Variants in ITGA9 observed in about 807,000 individuals in gnomAD.
ITGA9 encodes the protein integrin alpha-9.
Under a neutral mutation model 127.8 loss-of-function variants are expected in ITGA9, and 56 were observed. That is an observed-to-expected ratio of 0.44 (90% CI 0.35 to 0.55). The LOEUF (loss-of-function observed/expected upper bound fraction) is 0.55, where lower values mean the gene tolerates loss of function less well. Ranked by LOEUF, ITGA9 falls within the 20% of genes least tolerant of loss-of-function variation. The pLI, the probability that ITGA9 is intolerant of heterozygous loss-of-function variation, is 0.00. For missense variants in ITGA9, 1,196 were observed against 1,347.1 expected (o/e 0.89, Z 1.76); for synonymous variants, 508 against 514.5 (o/e 0.99, Z 0.17).
At position 37,765,584 on chromosome 3, in the gene ITGA9, TAAAAG is replaced by T. The variant is rs555748940; in HGVS notation, c.2542-11805_2542-11801del. On this transcript the variant is annotated intron_variant, in intron 23 of 27. Coordinates refer to ENST00000264741, the MANE Select transcript of ITGA9 (RefSeq NM_002207.3). ...TTTTTCTCAACAGAAGCCAAACACT[TAAAAG>T]AAGGGAGATGGCTGATTGAATTCTG... Among the ~76,000 whole-genome samples, 414 of 152,296 alleles carry T rather than the reference TAAAAG, an allele frequency of 2.7e-3. 3 individuals carry two copies. The highest frequency in any genetic ancestry group is 9.4e-3 in the African/African-American group (389 of 41,580).
In ITGA9 at chr3:37,553,013, TA is replaced by T. The variant is rs10662748; in HGVS notation, c.1689+10445del. ...CTAGGAGACCGAGCAAGACTCCATC[TA>T]AAAAAAAAAAAAAAAATCTTTATTT... On this transcript the variant is annotated intron_variant, in intron 15 of 27. Transcript: ENST00000264741. 3.9e-3 allele frequency among the ~76,000 whole-genome samples: 540 copies of T among 137,082 alleles called. 1 individual carries two copies. The highest frequency in any genetic ancestry group is 0.015 in the South Asian group (63 of 4,170). The allele number at this position is 137,082 out of a possible 152,430, so 89.9% of individuals were successfully genotyped here.
chr3:37,736,994 G>T lies in ITGA9; in HGVS notation c.2234+11G>T, dbSNP rs372179241. The stretch of plus-strand genomic sequence containing the variant: ...TGTTACTGCTCAGAGGTAAGGGGGG[G>T]GTTTAAACACTTTTTTCAAAGATGA... On this transcript the variant is annotated intron_variant, in intron 20 of 27. Coordinates refer to ENST00000264741, the MANE Select transcript of ITGA9 (RefSeq NM_002207.3). 5.7e-6 allele frequency: 9 copies of T among 1,566,668 alleles called. No individual in the cohort carries two copies. The highest frequency in any genetic ancestry group is 1.1e-5 in the South Asian group (1 of 90,086).
intron 27 of ITGA9, among the ~76,000 whole-genome samples, chr3:37,812,974 G>A (rs1368768585): frequency 6.6e-6 from 1 of 152,258 alleles, no homozygotes; most frequent in Non-Finnish European, 1.5e-5. Flanking sequence ...GTTTCTCAAA[G>A]CTCTCCCCAA....
chr3:37,773,551 G>T, intron 23 of ITGA9, among the ~76,000 whole-genome samples: 1 of 151,654 alleles, frequency 6.6e-6, no homozygotes, highest in East Asian at 1.9e-4. Flanking sequence ...GCCCCAAATA[G>T]CACATCCTCC....
chr3:37,484,682 A>G (rs970162672), intron 4 of ITGA9, among the ~76,000 whole-genome samples: 41 of 152,158 alleles, frequency 2.7e-4, no homozygotes, highest in Non-Finnish European at 1.0e-4. Flanking sequence ...GGAGAGGCAG[A>G]GTAGCTTGGT....
intron 26 of ITGA9, among the ~76,000 whole-genome samples, chr3:37,791,698 T>A (rs911512816): frequency 6.6e-6 from 1 of 152,168 alleles, no homozygotes; most frequent in African/African-American, 2.4e-5. Context: ...TAGCTGCTGC[T>A]CAGGGTGGCA....
chr3:37,721,370 C>T (rs1008311489), intron 18 of ITGA9, among the ~76,000 whole-genome samples: 5 of 152,090 alleles, frequency 3.3e-5, no homozygotes, highest in Non-Finnish European at 5.9e-5. Flanking sequence ...CCTGCCTTGG[C>T]CTCCCAAAAT....
intron 18 of ITGA9, among the ~76,000 whole-genome samples, chr3:37,685,825 C>T (rs1385747293): frequency 6.6e-6 from 1 of 152,194 alleles, no homozygotes; most frequent in Admixed American, 6.5e-5. Context: ...TGCTAGAAAG[C>T]TCAGAGCTGA....
At chr3:37,563,981 TAACG>T (rs2125601258) in intron 15 of ITGA9, among the ~76,000 whole-genome samples, 1 of 152,344 alleles carries the variant, frequency 6.6e-6, no homozygotes, top group South Asian at 2.1e-4. Flanking sequence ...CAAAGGATAG[TAACG>T]ACTTTTATGT....
chr3:37,521,664 A>G (rs1173187118), intron 11 of ITGA9, among the ~76,000 whole-genome samples: 1 of 152,210 alleles, frequency 6.6e-6, no homozygotes, highest in Non-Finnish European at 1.5e-5. Flanking sequence ...ACCACCCCAG[A>G]TGGACCACCC....
In ITGA9 at chr3:37,734,365, G is replaced by C. The variant is rs77596564; in HGVS notation, c.2154+1567G>C. ...CACACAAATTTAATTAAAATCTTTT[G>C]AGTAACAGATAATAGGCTTAACTGG... On this transcript the variant is annotated intron_variant, in intron 19 of 27. Coordinates refer to ENST00000264741, the MANE Select transcript of ITGA9 (RefSeq NM_002207.3). 7.4e-3 allele frequency among the ~76,000 whole-genome samples: 1,130 copies of C among 152,282 alleles called. 12 individuals carry two copies. The highest frequency in any genetic ancestry group is 0.027 in the Middle Eastern group (8 of 294).
At chr3:37,731,480 T>C (rs1021898183) in intron 18 of ITGA9, among the ~76,000 whole-genome samples, 5 of 152,254 alleles carry the variant, frequency 3.3e-5, no homozygotes, top group African/African-American at 1.2e-4. Flanking sequence ...TGAAAAGATA[T>C]ATTAGAGTTT....
chr3:37,812,362 C>G (rs1697378218), intron 27 of ITGA9, among the ~76,000 whole-genome samples: 1 of 152,178 alleles, frequency 6.6e-6, no homozygotes, highest in Admixed American at 6.5e-5. Context: ...GGAAGCAACC[C>G]AAAGGCCGCG....
chr3:37,540,260 C>T (rs962914784), intron 14 of ITGA9, among the ~76,000 whole-genome samples: 2 of 152,348 alleles, frequency 1.3e-5, no homozygotes, highest in Admixed American at 1.3e-4. Flanking sequence ...AGAGTCTGCT[C>T]AGCAGCTGCC....
chr3:37,557,622 T>C (rs766523962), intron 15 of ITGA9, among the ~76,000 whole-genome samples: 2 of 152,150 alleles, frequency 1.3e-5, no homozygotes, highest in Non-Finnish European at 2.9e-5. Flanking sequence ...AAAAAATGTA[T>C]TAAGGGCTAT....
At chr3:37,648,080 A>AT (rs202042111) in intron 16 of ITGA9, among the ~76,000 whole-genome samples, 8,975 of 151,872 alleles carry the variant, frequency 0.059, 804 homozygotes, top group African/African-American at 0.19. Flanking sequence ...TTCTATTTTT[A>AT]TTTTTTTTGA....
intron 16 of ITGA9, among the ~76,000 whole-genome samples, chr3:37,641,514 G>A (rs1329220205): frequency 6.6e-6 from 1 of 151,980 alleles, no homozygotes; most frequent in Non-Finnish European, 1.5e-5. Context: ...CCAGAACTCG[G>A]GAGCCAGCCG....
intron 15 of ITGA9, among the ~76,000 whole-genome samples, chr3:37,578,940 G>C (rs767531089): frequency 1.3e-5 from 2 of 152,090 alleles, no homozygotes; most frequent in Non-Finnish European, 2.9e-5. Flanking sequence ...AGAGGGAGAA[G>C]AGGAAGAAGC....
At chr3:37,783,549 C>T (rs1269252489) in intron 25 of ITGA9, among the ~76,000 whole-genome samples, 2 of 151,962 alleles carry the variant, frequency 1.3e-5, no homozygotes, top group African/African-American at 4.8e-5. Context: ...TTTCCCCAGG[C>T]TGGACTTGAC....
Sources: gnomAD v4.1 joint callset for allele counts (sites outside exome capture counted in the v4.1 genomes callset) on GRCh38, gnomAD v4.1.1 for gene constraint, MANE v1.5 for transcripts, NCBI Gene and HGNC (gene_info 2026-07-23, HGNC 2026-07-21) for gene names.